SSBP2: variants seen among roughly 807,000 people sequenced by gnomAD.
SSBP2 encodes single-stranded DNA-binding protein 2.
SSBP2 carries 17 observed loss-of-function variants against 61.8 expected under a neutral mutation model. The observed-to-expected ratio is 0.28, with a 90% CI of 0.19 to 0.41. The LOEUF (loss-of-function observed/expected upper bound fraction) is 0.41, where lower values mean the gene tolerates loss of function less well. Ranked by LOEUF, SSBP2 falls within the 10% of genes least tolerant of loss-of-function variation. The pLI is 1.00. For missense variants in SSBP2, 310 were observed against 458.7 expected, an observed-to-expected ratio of 0.68 and a Z score of 2.96; for synonymous variants, 139 against 141.3, an observed-to-expected ratio of 0.98 and a Z score of 0.12.
chr5:81,680,435 G>A (rs146485207), intron 1 of SSBP2, among the ~76,000 whole-genome samples: 4 of 150,948 alleles, frequency 2.6e-5, no homozygotes, highest in East Asian at 1.9e-4. Flanking sequence ...CACATTAAAC[G>A]TCAGTGGTGT....
chr5:81,445,105 A>C (rs1273896030), intron 12 of SSBP2, among the ~76,000 whole-genome samples: 1 of 136,334 alleles, frequency 7.3e-6, no homozygotes, highest in East Asian at 2.2e-4. Flanking sequence ...CCTGGGTGAC[A>C]GAGGCTCTGT....
chr5:81,596,820 C>T (rs957711057), intron 4 of SSBP2, among the ~76,000 whole-genome samples: 12 of 143,220 alleles, frequency 8.4e-5, no homozygotes, highest in Non-Finnish European at 1.8e-4. Flanking sequence ...CTTCCTTACA[C>T]CTTATACAAA....
intron 3 of SSBP2, among the ~76,000 whole-genome samples, chr5:81,629,482 A>T (rs1211213400): frequency 2.6e-5 from 4 of 152,088 alleles, no homozygotes; most frequent in Non-Finnish European, 4.4e-5. Flanking sequence ...GAACTGGTCC[A>T]TACCAAATTA....
Position 81,489,230 on chromosome 5 carries a change from A to C in SSBP2, c.432+20T>G. On this transcript the variant is annotated intron_variant, in intron 6 of 16. Coordinates refer to ENST00000320672, the MANE Select transcript of SSBP2 (RefSeq NM_012446.5). ...GATCTTTGATTCTTACAAAAAACTTACATAGCACATAAATCTTACCTGATT... is the reference window on the plus strand; with the variant it reads ...GATCTTTGATTCTTACAAAAAACTTCCATAGCACATAAATCTTACCTGATT... 1 of 1,596,620 alleles carries C rather than the reference A, an allele frequency of 6.3e-7. No homozygotes were observed. Among genetic ancestry groups the C allele is most frequent in the East Asian group, 2.2e-5 (1 of 44,684 alleles).
At chr5:81,599,974 TAGAGTC>T (rs58487135) in intron 4 of SSBP2, among the ~76,000 whole-genome samples, 6,324 of 152,282 alleles carry the variant, frequency 0.042, 420 homozygotes, top group African/African-American at 0.14. Flanking sequence ...TCTCCCTTAT[TAGAGTC>T]TTCTTAAAGT....
intron 1 of SSBP2, among the ~76,000 whole-genome samples, chr5:81,681,957 C>T (rs1410871517): frequency 6.6e-6 from 1 of 152,058 alleles, no homozygotes; most frequent in African/African-American, 2.4e-5. Context: ...AATTTGATAA[C>T]CTAGATGAAA....
intron 16 of SSBP2, among the ~76,000 whole-genome samples, chr5:81,425,466 T>C (rs1162983679): frequency 6.6e-6 from 1 of 152,216 alleles, no homozygotes; most frequent in Non-Finnish European, 1.5e-5. Context: ...ATCTTGTTTG[T>C]AATTCCTATT....
intron 1 of SSBP2, among the ~76,000 whole-genome samples, chr5:81,707,241 T>C (rs1221496774): frequency 1.3e-5 from 2 of 152,066 alleles, no homozygotes; most frequent in African/African-American, 2.4e-5. Flanking sequence ...TAAAATTGTG[T>C]GTTCCTGCCT....
chr5:81,426,590 A>G (rs549688017), intron 16 of SSBP2, among the ~76,000 whole-genome samples: 2 of 152,238 alleles, frequency 1.3e-5, no homozygotes, highest in Non-Finnish European at 2.9e-5. Context: ...CTAAATGCAC[A>G]TATTCACAGA....
intron 5 of SSBP2, among the ~76,000 whole-genome samples, chr5:81,507,784 C>A (rs1034309828): frequency 3.9e-5 from 6 of 152,160 alleles, no homozygotes; most frequent in African/African-American, 1.4e-4. Flanking sequence ...TAGAAATTCA[C>A]AAGAGAAGCT....
At chr5:81,537,351 T>C (rs1770887125) in intron 4 of SSBP2, among the ~76,000 whole-genome samples, 1 of 152,138 alleles carries the variant, frequency 6.6e-6, no homozygotes, top group Admixed American at 6.5e-5. Flanking sequence ...CTCATATGAA[T>C]TTGTCTGTTC....
In SSBP2 at chr5:81,488,094, ACAC is replaced by A. The variant is rs565963124; in HGVS notation, c.432+1153_432+1155del. 8.3e-3 allele frequency among the ~76,000 whole-genome samples: 1,163 copies of A among 139,454 alleles called. 19 individuals are homozygous for A. Among genetic ancestry groups the A allele is most frequent in the African/African-American group, 0.026 (1,056 of 40,220 alleles). The allele number at this position is 139,454 out of a possible 152,430, so 91.5% of individuals were successfully genotyped here. A position where few individuals can be genotyped will look rare whatever the true frequency, so the allele number is the denominator to read the frequency against. ...TCATATATTATATATATACACACAC[ACAC>A]CACATTTTTTATATCCATTCATTCA... is the stretch of plus-strand genomic sequence containing the variant. On this transcript the variant is annotated intron_variant, in intron 6 of 16. Coordinates refer to ENST00000320672, the MANE Select transcript of SSBP2 (RefSeq NM_012446.5).
chr5:81,487,812 C>T (rs1580810027), intron 6 of SSBP2, among the ~76,000 whole-genome samples: 1 of 150,876 alleles, frequency 6.6e-6, no homozygotes, highest in Admixed American at 6.6e-5. Context: ...TCAACACCTT[C>T]CTATTTCCCT....
At chr5:81,701,163 C>A (rs997548237) in intron 1 of SSBP2, among the ~76,000 whole-genome samples, 1 of 152,096 alleles carries the variant, frequency 6.6e-6, no homozygotes, top group Non-Finnish European at 1.5e-5. Flanking sequence ...ACTTAGAGGC[C>A]ATTGTAGGTT....
At chr5:81,713,911 TTTTA>T (rs1754981334) in intron 1 of SSBP2, among the ~76,000 whole-genome samples, 1 of 152,152 alleles carries the variant, frequency 6.6e-6, no homozygotes, top group African/African-American at 2.4e-5. Flanking sequence ...TTTTTATTAT[TTTTA>T]TTATTATCAT....
chr5:81,592,842 C>A (rs983923340), intron 4 of SSBP2, among the ~76,000 whole-genome samples: 2 of 152,106 alleles, frequency 1.3e-5, no homozygotes, highest in African/African-American at 4.8e-5. Flanking sequence ...CCCATCTGTA[C>A]GTCACCATCA....
intron 1 of SSBP2, among the ~76,000 whole-genome samples, chr5:81,692,540 A>T (rs996119114): frequency 5.3e-5 from 8 of 152,308 alleles, no homozygotes; most frequent in Admixed American, 5.2e-4. Flanking sequence ...AAAGATTCAG[A>T]ATAGGCAAAG....
At chr5:81,680,225 G>A (rs1752284702) in intron 1 of SSBP2, among the ~76,000 whole-genome samples, 1 of 150,952 alleles carries the variant, frequency 6.6e-6, no homozygotes. Context: ...ATGAAGGATT[G>A]TGGGACTTAG....
At chr5:81,543,399 G>C (rs1771459250) in intron 4 of SSBP2, among the ~76,000 whole-genome samples, 1 of 152,078 alleles carries the variant, frequency 6.6e-6, no homozygotes, top group African/African-American at 2.4e-5. Context: ...AATTAATTCA[G>C]GAACAGAAAA....
Sources: gnomAD v4.1 joint callset for allele counts (sites outside exome capture counted in the v4.1 genomes callset) on GRCh38, gnomAD v4.1.1 for gene constraint, MANE v1.5 for transcripts, NCBI Gene and HGNC (gene_info 2026-07-23, HGNC 2026-07-21) for gene names.